THSD7B: variants seen among roughly 807,000 people sequenced by gnomAD.
THSD7B encodes the protein thrombospondin type-1 domain-containing protein 7B.
THSD7B carries 138 observed loss-of-function variants against 213.6 expected under a neutral mutation model. The observed-to-expected ratio is 0.65, with a 90% confidence interval of 0.56 to 0.74. The LOEUF is 0.74. THSD7B is among the 30% of genes least tolerant of loss of function. The probability of loss-of-function intolerance (pLI) is 0.00; values close to 1 mark genes in which losing one functional copy is unlikely to be tolerated. For synonymous variants in THSD7B, 742 were observed against 687.0 expected (o/e 1.08, Z -1.25); for missense variants, 1,931 against 1,991.5 (o/e 0.97, Z 0.58).
At chr2:136,807,374 TTA>T (rs1422546589) in intron 1 of THSD7B, among the ~76,000 whole-genome samples, 1 of 152,158 alleles carries the variant, frequency 6.6e-6, no homozygotes, top group Non-Finnish European at 1.5e-5. Flanking sequence ...CAATAGTATG[TTA>T]TTTATTTTTT....
rs34604281 is a variant in THSD7B, at chr2:137,605,648, C to CTTT, written c.3424-10490_3424-10488dup. Reference sequence around the variant, plus strand: ...AAAAAGCATATATTGGCACTTCGCACTTTTTTTTTTTTTTTTTTTTTTTTT... The same window carrying CTTT: ...AAAAAGCATATATTGGCACTTCGCACTTTTTTTTTTTTTTTTTTTTTTTTTTTT... On this transcript the variant is annotated intron_variant, in intron 17 of 27. Transcript: ENST00000409968. Among the ~76,000 whole-genome samples, 249 of 69,000 alleles carry CTTT rather than the reference C, an allele frequency of 3.6e-3. 55 individuals are homozygous for CTTT. Among genetic ancestry groups the CTTT allele is most frequent in the Non-Finnish European group, 6.0e-3 (219 of 36,466 alleles). The allele number at this position is 69,000 out of a possible 152,430, so 45.3% of individuals were successfully genotyped here.
intron 1 of THSD7B, among the ~76,000 whole-genome samples, chr2:136,844,460 A>AACAG (rs1043028466): frequency 1.3e-5 from 1 of 77,986 alleles, no homozygotes; most frequent in Non-Finnish European, 3.3e-5. Context: ...GGCCACCCAA[A>AACAG]ACAGAGAGAG....
intron 2 of THSD7B, among the ~76,000 whole-genome samples, chr2:137,040,704 A>T (rs1343833005): frequency 1.3e-5 from 2 of 152,064 alleles, no homozygotes; most frequent in Non-Finnish European, 2.9e-5. Context: ...AGGTAGCTAT[A>T]TTTCTTTCTG....
chr2:137,362,714 AG>A (rs1685296237), intron 12 of THSD7B, among the ~76,000 whole-genome samples: 1 of 152,228 alleles, frequency 6.6e-6, no homozygotes, highest in South Asian at 2.1e-4. Flanking sequence ...CACCCAATAC[AG>A]GAGCACCCAG....
chr2:137,650,041 G>A (rs1241651469), intron 21 of THSD7B, among the ~76,000 whole-genome samples: 3 of 152,156 alleles, frequency 2.0e-5, no homozygotes, highest in African/African-American at 4.8e-5. Context: ...GGTCGAGGCT[G>A]TAATGAGTCC....
At position 137,010,120 on chromosome 2, in the gene THSD7B, A is replaced by G. The variant is rs182503861; in HGVS notation, c.140-46300A>G. 2.3e-3 allele frequency among the ~76,000 whole-genome samples: 345 copies of G among 152,292 alleles called. 1 individual carries two copies. The highest frequency in any genetic ancestry group is 0.017 in the Middle Eastern group (5 of 294). The stretch of plus-strand genomic sequence containing the variant: ...TCTAGCCTAGCACTGACAAAATGTC[A>G]TCTCACTGTGTAGACATCTTCAATT... On this transcript the variant is annotated intron_variant, in intron 2 of 27. Transcript: ENST00000409968.
At chr2:137,156,606 C>G (rs562836432) in intron 5 of THSD7B, among the ~76,000 whole-genome samples, 1 of 152,224 alleles carries the variant, frequency 6.6e-6, no homozygotes, top group East Asian at 1.9e-4. Context: ...GGGACTTAAC[C>G]TCACAACCCC....
chr2:136,919,686 G>A lies in THSD7B; in HGVS notation c.139+37369G>A, dbSNP rs1467347402. On this transcript the variant is annotated intron_variant, in intron 2 of 27. Transcript: ENST00000409968. ...TTTCCTAGTTTTTCTTGGGCCTACT[G>A]GGCTTGTTCCACCTGCTTGGCCCAG... Among the ~76,000 whole-genome samples the A allele has an allele frequency of 2.0e-5, 3 of 152,170 alleles. No individual in the cohort carries two copies. In the East Asian group the frequency reaches 5.8e-4, roughly 29 times the overall value.
chr2:137,195,759 G>A (rs913295781), intron 7 of THSD7B, among the ~76,000 whole-genome samples: 18 of 152,026 alleles, frequency 1.2e-4, no homozygotes, highest in African/African-American at 3.9e-4. Flanking sequence ...ATCAGTATTC[G>A]TAACCATCAG....
intron 2 of THSD7B, among the ~76,000 whole-genome samples, chr2:136,963,352 G>A (rs940773159): frequency 2.0e-5 from 3 of 152,138 alleles, no homozygotes; most frequent in African/African-American, 4.8e-5. Flanking sequence ...GCAGAAAAGG[G>A]AAATTAAAAG....
intron 7 of THSD7B, among the ~76,000 whole-genome samples, chr2:137,218,154 A>T (rs1467633881): frequency 6.6e-6 from 1 of 152,158 alleles, no homozygotes; most frequent in East Asian, 1.9e-4. Flanking sequence ...ACATCCAATA[A>T]AATAATCCTT....
intron 17 of THSD7B, among the ~76,000 whole-genome samples, chr2:137,608,032 C>T (rs1175522829): frequency 6.6e-6 from 1 of 152,164 alleles, no homozygotes; most frequent in Non-Finnish European, 1.5e-5. Flanking sequence ...TAGCTTTTGC[C>T]CCTGGTCTTG....
chr2:136,847,778 C>T (rs1297388930), intron 1 of THSD7B, among the ~76,000 whole-genome samples: 1 of 152,144 alleles, frequency 6.6e-6, no homozygotes, highest in African/African-American at 2.4e-5. Flanking sequence ...TTTTGAGATT[C>T]TTGCCTTTAA....
chr2:136,891,188 T>G (rs537745080), intron 2 of THSD7B, among the ~76,000 whole-genome samples: 1 of 152,270 alleles, frequency 6.6e-6, no homozygotes, highest in Admixed American at 6.5e-5. Flanking sequence ...TTCCTTTCAT[T>G]CTCTGCTTCC....
At chr2:136,991,601 C>T (rs2104816176) in intron 2 of THSD7B, among the ~76,000 whole-genome samples, 1 of 152,158 alleles carries the variant, frequency 6.6e-6, no homozygotes, top group East Asian at 1.9e-4. Context: ...GTTTTCAGTG[C>T]ATCTGAGTAG....
At chr2:137,482,422 T>C (rs1688328538) in intron 15 of THSD7B, among the ~76,000 whole-genome samples, 1 of 152,214 alleles carries the variant, frequency 6.6e-6, no homozygotes, top group South Asian at 2.1e-4. Context: ...ATAAAACTTC[T>C]AATATACTTA....
chr2:137,112,244 A>T (rs1198729967), intron 4 of THSD7B, among the ~76,000 whole-genome samples: 2 of 152,116 alleles, frequency 1.3e-5, no homozygotes, highest in East Asian at 3.9e-4. Context: ...AAAATAAAGA[A>T]AAAAGGTTGA....
intron 2 of THSD7B, among the ~76,000 whole-genome samples, chr2:136,943,416 C>T (rs1176647813): frequency 1.3e-5 from 2 of 152,118 alleles, no homozygotes; most frequent in African/African-American, 4.8e-5. Flanking sequence ...AGGGAGGATT[C>T]CCTCTTTTTC....
chr2:137,485,661 C>T lies in THSD7B; in HGVS notation c.3138+34638C>T, dbSNP rs1573654132. 2.6e-5 allele frequency among the ~76,000 whole-genome samples: 4 copies of T among 152,278 alleles called. No individual in the cohort carries two copies. The Middle Eastern group carries it at 0.014, about 518-fold the overall frequency. On this transcript the variant is annotated intron_variant, in intron 15 of 27. Coordinates refer to ENST00000409968, the MANE Select transcript of THSD7B (RefSeq NM_001316349.2). ...AAATACAGAGAATGCCACAAAGATA[C>T]TCCTCGAGAAGTGCACCAAGACACA...
Sources: allele counts gnomAD v4.1 joint callset (sites outside exome capture counted in the v4.1 genomes callset), GRCh38; gene constraint gnomAD v4.1.1; transcripts MANE v1.5; gene names NCBI Gene and HGNC (gene_info 2026-07-23, HGNC 2026-07-21).